Variants in MYO1G observed in about 807,000 individuals in gnomAD.
The protein encoded by MYO1G is myosin IG.
Under a neutral mutation model 115.3 loss-of-function variants are expected in MYO1G, and 65 were observed. That is an observed-to-expected ratio of 0.56 (90% CI 0.46 to 0.69). MYO1G has a LOEUF of 0.69. MYO1G is among the 30% of genes least tolerant of loss of function. MYO1G has a pLI of 0.00. For missense variants in MYO1G, 1,204 were observed against 1,393.5 expected (o/e 0.86, Z 2.16); for synonymous variants, 510 against 552.6 (o/e 0.92, Z 1.08).
intron 17 of MYO1G, 150 bp from the exon 18 acceptor site, chr7:44,965,239 G>T: frequency 1.7e-6 from 2 of 1,189,310 alleles, no homozygotes; most frequent in Non-Finnish European, 2.3e-6. Flanking sequence ...TTGGCCCCTT[G>T]TGCCTAACGC....
Position 44,975,493 on chromosome 7 carries a change from T to C in MYO1G, c.555A>G (p.Leu185=). 1 of 1,609,454 alleles carries C rather than the reference T, an allele frequency of 6.2e-7. No individual in the cohort carries two copies. ...CAGCCCACCTGCCCACCTTCTCCAG[T>C]AGGTAGCTGTGGATGTGTCCTCCGA... ...DPIGGHIHSY[L]LEKSRVLKQH... The change falls in exon 4 of 22, where the codon CTA becomes CTG. Residue 185 remains leucine (L), a synonymous_variant. Coordinates refer to ENST00000258787, the MANE Select transcript of MYO1G (RefSeq NM_033054.3).
rs781474056 is a variant in MYO1G, at chr7:44,967,753, G to C, written c.1650-16C>G. On this transcript the variant is annotated splice_polypyrimidine_tract_variant and intron_variant, in intron 13 of 21. Coordinates refer to ENST00000258787, the MANE Select transcript of MYO1G (RefSeq NM_033054.3). Reference sequence around the variant, plus strand: ...GGGGTCCGTGCTGCAGACACAGGCCGAATTCCCAGCCATCCTCTGGGAGAG... The same window carrying C: ...GGGGTCCGTGCTGCAGACACAGGCCCAATTCCCAGCCATCCTCTGGGAGAG... 3 of 1,612,774 alleles carry C rather than the reference G, an allele frequency of 1.9e-6. No individual in the cohort carries two copies. The African/African-American group carries it at 4.0e-5, about 22-fold the overall frequency.
rs571015466 is a variant in MYO1G at position 44,967,731 on chromosome 7, G to A, written c.1656C>T (p.Asp552=). The change falls in exon 14 of 22, where the codon GAC becomes GAT. Residue 552 remains aspartate (D), a synonymous_variant. Coordinates refer to ENST00000258787, the MANE Select transcript of MYO1G (RefSeq NM_033054.3). ...DFKRLLYNST[D]PTLRAMWPDG... The stretch of plus-strand genomic sequence containing the variant: ...CCGGCCACATGGCCCGTAGAGTGGG[G>A]TCCGTGCTGCAGACACAGGCCGAAT... The A allele has an allele frequency of 6.2e-7, 1 of 1,613,518 alleles. No homozygotes were observed. Among genetic ancestry groups the A allele is most frequent in the Admixed American group, 1.7e-5 (1 of 60,028 alleles).
At chr7:44,973,881 T>C (rs1292661714) in intron 5 of MYO1G, 1 of 146,510 alleles carries the variant, frequency 6.8e-6, no homozygotes, top group Non-Finnish European at 1.5e-5. Flanking sequence ...GGAGCTTCAT[T>C]TCAGTGAGAG....
chr7:44,970,670 C>T lies in MYO1G; in HGVS notation c.1139G>A (p.Arg380Gln), dbSNP rs767329499. The change falls in exon 9 of 22, where the codon CGG becomes CAG. Residue 380 changes from arginine (R) to glutamine (Q), a missense_variant. Physicochemically the swap from Arg to Gln is conservative, Grantham distance 43 (BLOSUM62 1). Coordinates refer to ENST00000258787, the MANE Select transcript of MYO1G (RefSeq NM_033054.3). The stretch of plus-strand genomic sequence containing the variant: ...GTCCTTGCCATCACGCCGAGGATCC[C>T]GGCCCCGGGGTTCCATGACACTGTT... ...RINSVMEPRG[R>Q]DPRRDGKDTV... The T allele has an allele frequency of 1.7e-5, 27 of 1,613,994 alleles. No homozygotes were observed. Among genetic ancestry groups the T allele is most frequent in the African/African-American group, 8.0e-5 (6 of 75,050 alleles).
At chr7:44,977,774 C>T (rs1037922633) in intron 1 of MYO1G, among the ~76,000 whole-genome samples, 4 of 152,270 alleles carry the variant, frequency 2.6e-5, no homozygotes, top group Admixed American at 6.5e-5. Context: ...ACCCATCTCC[C>T]CTTGGTGTGT....
chr7:44,967,196 T>A (rs1794862967), intron 14 of MYO1G, among the ~76,000 whole-genome samples: 1 of 152,230 alleles, frequency 6.6e-6, no homozygotes, highest in Non-Finnish European at 1.5e-5. Context: ...CCTTCACCTG[T>A]TCCTCTTCTG....
intron 5 of MYO1G, chr7:44,974,807 G>A (rs1427673220): frequency 9.6e-6 from 3 of 311,936 alleles, no homozygotes; most frequent in South Asian, 3.7e-5. Context: ...GTCCCCAGGA[G>A]CACCACTTCA....
In MYO1G at chr7:44,964,075, C is replaced by G. The variant is rs1186009627; in HGVS notation, c.2719G>C (p.Val907Leu). 3.1e-6 allele frequency: 5 copies of G among 1,602,730 alleles called. No individual in the cohort carries two copies. Among genetic ancestry groups the G allele is most frequent in the Admixed American group, 1.7e-5 (1 of 58,432 alleles). ...YKLDPDRQYR[V>L]MRAVPLEAVT... ...GCCTCAAGGGGCACGGCCCGCATCA[C>G]CCGGTACTGCCGGTCAGGGTCCAGC... Residue 907 changes from valine to leucine, a missense_variant, in exon 20 of 22, where the codon GTG becomes CTG. By Grantham distance (32) the Val-to-Leu change is conservative. Coordinates refer to ENST00000258787, the MANE Select transcript of MYO1G (RefSeq NM_033054.3). This position sits in a 1 kb window ranked among gnomAD's most constrained non-coding sequence, Gnocchi z 5.1.
Position 44,970,967 on chromosome 7 carries a change from C to T in MYO1G, c.939G>A (p.Glu313=). 2 of 1,613,526 alleles carry T rather than the reference C, an allele frequency of 1.2e-6. No homozygotes were observed. Among genetic ancestry groups the T allele is most frequent in the Non-Finnish European group, 1.7e-6 (2 of 1,180,014 alleles). ...CGAGGTCCCGGGGTGTGGCCGTCAG[C>T]TCAGCCACATGGTCCACCAGTGCCT... ...AEEALVDHVA[E]LTATPRDLVL... The change falls in exon 8 of 22, where the codon GAG becomes GAA. Residue 313 remains glutamate (E), a synonymous_variant. Transcript: ENST00000258787.
intron 3 of MYO1G, among the ~76,000 whole-genome samples, chr7:44,976,053 T>TC (rs907475576): frequency 5.9e-5 from 9 of 152,088 alleles, no homozygotes; most frequent in Admixed American, 2.0e-4. Context: ...ACATTGCTTG[T>TC]CCCCCCTGAA....
chr7:44,962,952 C>G lies in MYO1G; in HGVS notation c.2900+18G>C, dbSNP rs1218864518. ...GCGGCCGGGGCTTCGTGCCCGCTAC[C>G]GCCCAGCCTGCACTCACCCCTGGCA... On this transcript the variant is annotated intron_variant, in intron 21 of 21. Coordinates refer to ENST00000258787, the MANE Select transcript of MYO1G (RefSeq NM_033054.3). This position sits in a 1 kb window ranked among gnomAD's most constrained non-coding sequence, Gnocchi z 5.3. 16 of 1,519,638 alleles carry G rather than the reference C, an allele frequency of 1.1e-5. No individual in the cohort carries two copies. The highest frequency in any genetic ancestry group is 1.3e-5 in the Non-Finnish European group (15 of 1,137,624). 94.1% of individuals were successfully genotyped at this position (1,519,638 alleles called of 1,614,324 possible).
chr7:44,969,653 T>G lies in MYO1G; in HGVS notation c.1503+52A>C. The G allele has an allele frequency of 6.2e-7, 1 of 1,600,516 alleles. No homozygotes were observed. Among genetic ancestry groups the G allele is most frequent in the Non-Finnish European group, 8.5e-7 (1 of 1,172,796 alleles). On this transcript the variant is annotated intron_variant, in intron 11 of 21. Coordinates refer to ENST00000258787, the MANE Select transcript of MYO1G (RefSeq NM_033054.3). The surrounding 1 kb of genome is among the most constrained non-coding windows in gnomAD (Gnocchi z 5.0). ...CGAGGCATGGGCAGCATGGTGCCTGTGGGGCAGGTCCCACCAGCCCACTGT... is the reference window on the plus strand; with the variant it reads ...CGAGGCATGGGCAGCATGGTGCCTGGGGGGCAGGTCCCACCAGCCCACTGT...
rs756093913 is a variant in MYO1G, at chr7:44,975,216, G to A, written c.576C>T (p.Leu192=). The A allele has an allele frequency of 5.6e-6, 9 of 1,614,064 alleles. No homozygotes were observed. The highest frequency in any genetic ancestry group is 3.3e-5 in the South Asian group (3 of 91,076). The part of the protein sequence containing the change: ...HSYLLEKSRV[L]KQHVGERNFH... ...AGTTTCTTTCACCCACGTGCTGCTT[G>A]AGGACCCGAGACTGAGGAGAGAGGG... Residue 192 remains leucine (L), a synonymous_variant, in exon 5 of 22, where the codon CTC becomes CTT. Coordinates refer to ENST00000258787, the MANE Select transcript of MYO1G (RefSeq NM_033054.3).
chr7:44,970,588 C>A lies in MYO1G; in HGVS notation c.1217+4G>T, dbSNP rs1006406913. 1 of 1,612,988 alleles carries A rather than the reference C, an allele frequency of 6.2e-7. No individual in the cohort carries two copies. The highest frequency in any genetic ancestry group is 8.5e-7 in the Non-Finnish European group (1 of 1,179,924). ...GGTGGAGATGTGGCTGGCCAGCCAC[C>A]CACCTGTTGACGGGAAACACCTCGA... On this transcript the variant is annotated splice_donor_region_variant and intron_variant, in intron 9 of 21. Transcript: ENST00000258787.
At position 44,965,714 on chromosome 7, in the gene MYO1G, G is replaced by A. The variant is rs144883416; in HGVS notation, c.2304C>T (p.Tyr768=). 221 of 1,612,832 alleles carry A rather than the reference G, an allele frequency of 1.4e-4. 2 individuals carry two copies. The highest frequency in any genetic ancestry group is 1.1e-3 in the South Asian group (99 of 91,074). ...GCAGCGGCCACACAAGGTCACGCCC[G>A]TAGAGTGGCGGCTGCCTTGCAGCCT... The part of the protein sequence containing the change: ...RFQAARQPPL[Y]GRDLVWPLPP... Residue 768 remains tyrosine (Y), a synonymous_variant, in exon 17 of 22, where the codon TAC becomes TAT. Transcript: ENST00000258787.
Position 44,966,395 on chromosome 7 carries a change from A to C in MYO1G, c.1950-115T>G, listed in dbSNP as rs137930124. Reference sequence around the variant, plus strand: ...GGGATACAGAGTGTGTTCCTGGAGCACTTATGACACCTGTGCACATATGTC... The same window carrying C: ...GGGATACAGAGTGTGTTCCTGGAGCCCTTATGACACCTGTGCACATATGTC... On this transcript the variant is annotated intron_variant, in intron 15 of 21. Transcript: ENST00000258787. The surrounding 1 kb of genome is among the most constrained non-coding windows in gnomAD (Gnocchi z 5.0). The C allele has an allele frequency of 6.9e-5, 67 of 964,066 alleles. No homozygotes were observed. The East Asian group carries it at 1.6e-3, about 23-fold the overall frequency. 59.7% of individuals were successfully genotyped at this position (964,066 alleles called of 1,614,324 possible).
At chr7:44,968,301 A>C (rs1794885330) in intron 12 of MYO1G, among the ~76,000 whole-genome samples, 1 of 152,232 alleles carries the variant, frequency 6.6e-6, no homozygotes, top group Non-Finnish European at 1.5e-5. Context: ...GCTTCAGTGT[A>C]CATCAGTTGC....
intron 4 of MYO1G, 73 bp downstream of exon 4, chr7:44,975,411 G>A: frequency 6.4e-7 from 1 of 1,563,920 alleles, no homozygotes; most frequent in Non-Finnish European, 8.7e-7. Flanking sequence ...CCGTCGGGAT[G>A]GGTACCTTCC....
Sources: gnomAD v4.1 joint callset for allele counts (sites outside exome capture counted in the v4.1 genomes callset) on GRCh38, gnomAD v4.1.1 for gene constraint, Gnocchi (gnomAD v3.1) non-coding constraint, MANE v1.5 for transcripts, NCBI Gene and HGNC (gene_info 2026-07-23, HGNC 2026-07-21) for gene names.